CHP2: variants seen among roughly 807,000 people sequenced by gnomAD.
CHP2 encodes calcineurin like EF-hand protein 2.
In CHP2, 31 loss-of-function variants were observed where a neutral mutation model predicts 24.7. That is an observed-to-expected ratio of 1.26 (90% CI 0.94 to 1.69). The LOEUF is 1.69. Among genes scored for constraint, CHP2 ranks in the 40% most tolerant of loss-of-function variants. The pLI is 0.00. For missense variants in CHP2, 319 were observed against 261.5 expected, an observed-to-expected ratio of 1.22 and a Z score of -1.52; for synonymous variants, 97 against 99.1, an observed-to-expected ratio of 0.98 and a Z score of 0.13.
chr16:23,758,798 T>G lies in CHP2; in HGVS notation c.*1215T>G, dbSNP rs1317730236. 1 of 152,198 alleles carries G rather than the reference T, an allele frequency of 6.6e-6. No individual in the cohort carries two copies. The highest frequency in any genetic ancestry group is 1.5e-5 in the Non-Finnish European group (1 of 68,054). The allele number at this position is 152,198 out of a possible 1,614,324, so 9.4% of individuals were successfully genotyped here. On this transcript the variant is annotated 3_prime_UTR_variant, in exon 7 of 7. Transcript: ENST00000300113. ...TGCTCTGCTCGGGCAAAACAAGAGATGCCCATTACTGTGAGGGACCCTTGA... is the reference window on the plus strand; with the variant it reads ...TGCTCTGCTCGGGCAAAACAAGAGAGGCCCATTACTGTGAGGGACCCTTGA...
At chr16:23,756,298 C>A in intron 4 of CHP2, 90 bp from the exon 5 acceptor site, 1 of 1,584,182 alleles carries the variant, frequency 6.3e-7, no homozygotes, top group South Asian at 1.1e-5. Flanking sequence ...ACAACCTCCC[C>A]CCTCCTCCAA....
In CHP2 at chr16:23,756,054, T is replaced by G; in HGVS notation, c.222-9T>G. 1 of 1,613,956 alleles carries G rather than the reference T, an allele frequency of 6.2e-7. No individual in the cohort carries two copies. The highest frequency in any genetic ancestry group is 8.5e-7 in the Non-Finnish European group (1 of 1,179,960). ...CACCACCTCTTTCCATTCTGTCCCG[T>G]CTCCCCAGGAGCCAGCGAGTGGATT... On this transcript the variant is annotated splice_polypyrimidine_tract_variant and intron_variant, in intron 3 of 6. Transcript: ENST00000300113.
At position 23,755,845 on chromosome 16, in the gene CHP2, A is replaced by C. The variant is rs1567268046; in HGVS notation, c.141-2A>C. On this transcript the variant is annotated splice_acceptor_variant, in intron 2 of 6. Transcript: ENST00000300113. LOFTEE classifies it high-confidence loss of function. ...TACCCTCTTTGAAATTTGGCTTTGC[A>C]GCCGCATGGATCTCCAGCAGATAGG... The C allele has an allele frequency of 6.2e-7, 1 of 1,614,196 alleles. No individual in the cohort carries two copies. The highest frequency in any genetic ancestry group is 1.1e-5 in the South Asian group (1 of 91,084).
In CHP2 at chr16:23,755,049, C is replaced by T; in HGVS notation, c.-1C>T. 1 of 1,592,282 alleles carries T rather than the reference C, an allele frequency of 6.3e-7. No individual in the cohort carries two copies. On this transcript the variant is annotated 5_prime_UTR_variant, in exon 1 of 7. Coordinates refer to ENST00000300113, the MANE Select transcript of CHP2 (RefSeq NM_022097.4). ...CCGGCCCTTCCGCCTCCAGCTCGGCCATGGGGTCGCGCAGCTCCCACGCCG... is the reference window on the plus strand; with the variant it reads ...CCGGCCCTTCCGCCTCCAGCTCGGCTATGGGGTCGCGCAGCTCCCACGCCG...
chr16:23,757,569 C>G lies in CHP2; in HGVS notation c.577C>G (p.Arg193Gly), dbSNP rs765935235. 6.2e-7 allele frequency: 1 copy of G among 1,613,852 alleles called. No homozygotes were observed. Among genetic ancestry groups the G allele is most frequent in the African/African-American group, 1.3e-5 (1 of 74,862 alleles). ...GGACGTTGAGCAAAAAATGAGCATC[C>G]GGATCCTGAAGTGACTCCGTTTGTG... ...KMDVEQKMSI[R>G]ILK Residue 193 changes from arginine to glycine, a missense_variant, in exon 7 of 7, where the codon CGG becomes GGG. Arg to Gly is a moderately radical substitution (Grantham distance 125). Coordinates refer to ENST00000300113, the MANE Select transcript of CHP2 (RefSeq NM_022097.4).
At chr16:23,755,243 G>C in intron 1 of CHP2, 127 bp downstream of exon 1, 2 of 670,550 alleles carry the variant, frequency 3.0e-6, no homozygotes, top group South Asian at 3.8e-5. Flanking sequence ...CCCGGAGCTG[G>C]AAGACCAAGG....
In CHP2 at chr16:23,755,900, G is replaced by C. The variant is rs1961217378; in HGVS notation, c.194G>C (p.Arg65Pro). 2 of 1,614,086 alleles carry C rather than the reference G, an allele frequency of 1.2e-6. No homozygotes were observed. The highest frequency in any genetic ancestry group is 3.3e-5 in the Admixed American group (2 of 60,004). ...CTCGCCGTGAACCCCCTGGGAGACC[G>C]AATTATAGAAAGCTTCTTCCCCGAT... ...GALAVNPLGD[R>P]IIESFFPDGS... Residue 65 changes from arginine to proline, a missense_variant, in exon 3 of 7, where the codon CGA becomes CCA. Physicochemically the swap from Arg to Pro is moderately radical, Grantham distance 103. Transcript: ENST00000300113.
At chr16:23,756,561 G>T (rs1027705120) in intron 5 of CHP2, 112 bp downstream of exon 5, 4 of 917,570 alleles carry the variant, frequency 4.4e-6, no homozygotes, top group Admixed American at 2.0e-5. Flanking sequence ...AGATAATTGG[G>T]GTATTGGTTG....
In CHP2 at chr16:23,757,835, T is replaced by C. The variant is rs1961248548; in HGVS notation, c.*252T>C. 1 of 544,770 alleles carries C rather than the reference T, an allele frequency of 1.8e-6. No homozygotes were observed. The highest frequency in any genetic ancestry group is 1.9e-5 in the African/African-American group (1 of 52,782). 33.7% of individuals were successfully genotyped at this position (544,770 alleles called of 1,614,324 possible). On this transcript the variant is annotated 3_prime_UTR_variant, in exon 7 of 7. Coordinates refer to ENST00000300113, the MANE Select transcript of CHP2 (RefSeq NM_022097.4). ...TGGTTTTGGGATGATTCAAGTGCAT[T>C]ACATTTATTGTGCACTTTATTTCTA...
chr16:23,757,297 G>T lies in CHP2; in HGVS notation c.511G>T (p.Ala171Ser). 2 of 1,613,304 alleles carry T rather than the reference G, an allele frequency of 1.2e-6. No homozygotes were observed. The highest frequency in any genetic ancestry group is 1.7e-6 in the Non-Finnish European group (2 of 1,179,552). The stretch of plus-strand genomic sequence containing the variant: ...GGAGGCTGATGAAGATGGGGATGGG[G>T]CTGTGTCCTTCGTGGAGTTCACCAA... ...VQEADEDGDG[A>S]VSFVEFTKSL... The change falls in exon 6 of 7, where the codon GCT becomes TCT. Residue 171 changes from alanine to serine, a missense_variant. By Grantham distance (99) the Ala-to-Ser change is moderately conservative. Coordinates refer to ENST00000300113, the MANE Select transcript of CHP2 (RefSeq NM_022097.4).
Position 23,757,204 on chromosome 16 carries a change from C to T in CHP2, c.418C>T (p.Leu140Phe). 6.2e-7 allele frequency: 1 copy of T among 1,614,066 alleles called. No individual in the cohort carries two copies. The highest frequency in any genetic ancestry group is 8.5e-7 in the Non-Finnish European group (1 of 1,180,014). The change falls in exon 6 of 7, where the codon CTC becomes TTC. Residue 140 changes from leucine (L) to phenylalanine (F), a missense_variant. Transcript: ENST00000300113. ...KISRHEMLQV[L>F]RLMVGVQVTE... Reference sequence around the variant, plus strand: ...TGCCTCTTCACTCATCTCTCAGGTTCTCCGTCTGATGGTTGGGGTACAGGT... The same window carrying T: ...TGCCTCTTCACTCATCTCTCAGGTTTTCCGTCTGATGGTTGGGGTACAGGT...
Position 23,757,664 on chromosome 16 carries a change from A to T in CHP2, c.*81A>T. 6 of 1,197,092 alleles carry T rather than the reference A, an allele frequency of 5.0e-6. No homozygotes were observed. In the South Asian group the frequency reaches 7.3e-5, roughly 14 times the overall value. The allele number at this position is 1,197,092 out of a possible 1,614,324, so 74.2% of individuals were successfully genotyped here. On this transcript the variant is annotated 3_prime_UTR_variant, in exon 7 of 7. Transcript: ENST00000300113. ...AAAGCCCCCATGGACGCATGGACGC[A>T]GGGCGACAATAAACTGTATTTTCGT...
intron 1 of CHP2, chr16:23,755,431 G>T (rs1053892080): frequency 1.5e-5 from 9 of 602,966 alleles, no homozygotes; most frequent in Non-Finnish European, 2.1e-5. Flanking sequence ...GGATGGCTTT[G>T]GTTCTTTGGT....
In CHP2 at chr16:23,757,978, A is replaced by G. The variant is rs896156370; in HGVS notation, c.*395A>G. 10 of 322,416 alleles carry G rather than the reference A, an allele frequency of 3.1e-5. No homozygotes were observed. Among genetic ancestry groups the G allele is most frequent in the Non-Finnish European group, 5.4e-5 (9 of 168,158 alleles). 20.0% of individuals were successfully genotyped at this position (322,416 alleles called of 1,614,324 possible). A position where few individuals can be genotyped will look rare whatever the true frequency, so the allele number is the denominator to read the frequency against. On this transcript the variant is annotated 3_prime_UTR_variant, in exon 7 of 7. Transcript: ENST00000300113. Reference sequence around the variant, plus strand: ...GACGGTCCCATATGGGAGTGATGGGAGACAGTGACAGATCATCAGGCATTA... The same window carrying G: ...GACGGTCCCATATGGGAGTGATGGGGGACAGTGACAGATCATCAGGCATTA...
chr16:23,755,619 C>A, intron 1 of CHP2, 42 bp from the exon 2 acceptor site: 2 of 1,575,662 alleles, frequency 1.3e-6, no homozygotes, highest in Non-Finnish European at 8.7e-7. Flanking sequence ...TGGAGCTGGC[C>A]CTGCAGAGTC....
Position 23,755,045 on chromosome 16 carries a change from C to T in CHP2, c.-5C>T, listed in dbSNP as rs758653862. 69 of 1,585,894 alleles carry T rather than the reference C, an allele frequency of 4.4e-5. No homozygotes were observed. Among genetic ancestry groups the T allele is most frequent in the Non-Finnish European group, 5.7e-5 (67 of 1,170,286 alleles). On this transcript the variant is annotated 5_prime_UTR_variant, in exon 1 of 7. Coordinates refer to ENST00000300113, the MANE Select transcript of CHP2 (RefSeq NM_022097.4). ...TGCTCCGGCCCTTCCGCCTCCAGCT[C>T]GGCCATGGGGTCGCGCAGCTCCCAC...
chr16:23,756,589 C>A, intron 5 of CHP2, 140 bp downstream of exon 5: 2 of 734,456 alleles, frequency 2.7e-6, no homozygotes, highest in South Asian at 1.6e-5. Context: ...GGAATGGGTG[C>A]AGTTAGAGTG....
In CHP2 at chr16:23,755,711, A is replaced by G. The variant is rs764216950; in HGVS notation, c.118A>G (p.Arg40Gly). The G allele has an allele frequency of 6.2e-7, 1 of 1,614,216 alleles. No individual in the cohort carries two copies. The highest frequency in any genetic ancestry group is 1.1e-5 in the South Asian group (1 of 91,092). The part of the protein sequence containing the change: ...RLHHRFRALD[R>G]NKKGYLSRMD... ...GCACCACCGGTTCCGGGCACTGGAC[A>G]GGAATAAGAAGGGCTACCTGAGGTG... Residue 40 changes from arginine (R) to glycine (G), a missense_variant, in exon 2 of 7, where the codon AGG becomes GGG. Physicochemically the swap from Arg to Gly is moderately radical, Grantham distance 125. Coordinates refer to ENST00000300113, the MANE Select transcript of CHP2 (RefSeq NM_022097.4).
intron 4 of CHP2, 53 bp downstream of exon 4, chr16:23,756,246 G>C: frequency 1.2e-6 from 2 of 1,609,016 alleles, no homozygotes; most frequent in Admixed American, 1.7e-5. Context: ...CCACACCAGG[G>C]ACAGGCTCCA....
Sources: gnomAD v4.1 joint callset for allele counts on GRCh38, gnomAD v4.1.1 for gene constraint, MANE v1.5 for transcripts, NCBI Gene and HGNC (gene_info 2026-07-23, HGNC 2026-07-21) for gene names.